The following BAZ2A variants were observed in gnomAD, a reference collection of about 807,000 sequenced individuals.
BAZ2A encodes bromodomain adjacent to zinc finger domain protein 2A.
BAZ2A carries 34 observed loss-of-function variants against 199.9 expected under a neutral mutation model. The ratio of observed to expected loss-of-function variants is 0.17; its 90% confidence interval spans 0.13 to 0.23. The LOEUF (loss-of-function observed/expected upper bound fraction) is 0.23, where lower values mean the gene tolerates loss of function less well. Among genes scored for constraint, BAZ2A ranks in the 10% least tolerant of loss-of-function variants. The pLI is 1.00. For missense variants in BAZ2A, 2,002 were observed against 2,391.1 expected (o/e 0.84, Z 3.39); for synonymous variants, 857 against 883.9 (o/e 0.97, Z 0.54).
At chr12:56,610,538 C>A (rs1458760620) in intron 7 of BAZ2A, 21 bp from the exon 8 acceptor site, 1 of 1,599,712 alleles carries the variant, frequency 6.3e-7, no homozygotes, top group Admixed American at 1.7e-5. Flanking sequence ...AGCACATGGG[C>A]CCTGCCGCCA....
rs551765462 is a variant in BAZ2A, at chr12:56,625,402, C to T, written c.-3+4723G>A. ...AACTCCTGACTTCAGGTGATCCGCA[C>T]GCCTCAGCCTCCCAAAGTGCTGCGA... On this transcript the variant is annotated intron_variant, in intron 1 of 28. Transcript: ENST00000549884. Among the ~76,000 whole-genome samples the T allele has an allele frequency of 3.4e-4, 52 of 151,938 alleles. No individual in the cohort carries two copies. In the South Asian group the frequency reaches 7.9e-3, roughly 23 times the overall value.
At position 56,598,702 on chromosome 12, in the gene BAZ2A, T is replaced by C; in HGVS notation, c.5628A>G (p.Glu1876=). 6.2e-7 allele frequency: 1 copy of C among 1,613,816 alleles called. No homozygotes were observed. The highest frequency in any genetic ancestry group is 1.1e-5 in the South Asian group (1 of 91,020). The stretch of plus-strand genomic sequence containing the variant: ...GCATGATGTGCCCAGCCTTGCCTAC[T>C]TCAGAGTCATCCTCGTTGAAAGTCT... ...NCQTFNEDDS[E]VGKAGHIMRR... Residue 1876 remains glutamate (E), a synonymous_variant, in exon 29 of 29, where the codon GAA becomes GAG. Coordinates refer to ENST00000549884, the MANE Select transcript of BAZ2A (RefSeq NM_001300905.2).
At chr12:56,619,112 G>A (rs1001932398) in intron 1 of BAZ2A, among the ~76,000 whole-genome samples, 5 of 151,890 alleles carry the variant, frequency 3.3e-5, no homozygotes, top group African/African-American at 9.7e-5. Flanking sequence ...GGGAGGCCGA[G>A]GCTGGCGGAT....
intron 1 of BAZ2A, 128 bp from the exon 2 acceptor site, chr12:56,617,660 G>T: frequency 9.8e-7 from 1 of 1,019,904 alleles, no homozygotes; most frequent in Non-Finnish European, 1.4e-6. Context: ...AGTACTGTGT[G>T]AGGGAAGGTA....
upstream of BAZ2A, among the ~76,000 whole-genome samples, chr12:56,632,735 A>C (rs1350306463): frequency 6.6e-6 from 1 of 152,154 alleles, no homozygotes; most frequent in African/African-American, 2.4e-5. Flanking sequence ...AATCATCCTC[A>C]TTCCTGAATG....
upstream of BAZ2A, chr12:56,630,869 T>C (rs1279757968): frequency 1.0e-6 from 1 of 985,292 alleles, no homozygotes; most frequent in Non-Finnish European, 1.2e-6. Flanking sequence ...AAGATTCCTG[T>C]GCGTGGGGGA....
Position 56,601,882 on chromosome 12 carries a change from G to C in BAZ2A, c.3735C>G (p.Phe1245Leu), listed in dbSNP as rs1886516600. 6.2e-7 allele frequency: 1 copy of C among 1,613,266 alleles called. No individual in the cohort carries two copies. Among genetic ancestry groups the C allele is most frequent in the Non-Finnish European group, 8.5e-7 (1 of 1,179,624 alleles). Reference protein sequence around the residue: ...LQLQLQSHKGFLEQEGSPLSL... With the variant: ...LQLQLQSHKGLLEQEGSPLSL... ...ACAAAGGGGAGCCTTCTTGCTCCAG[G>C]AACCCCTTATGGGACTGAAGCTGAA... is the stretch of plus-strand genomic sequence containing the variant. The change falls in exon 20 of 29, where the codon TTC becomes TTG. Residue 1245 changes from phenylalanine (F) to leucine (L), a missense_variant. Around this residue, in one of 6 missense-constraint regions of BAZ2A, gnomAD observed 1,081 missense variants for 1,274.7 expected, o/e 0.85. Transcript: ENST00000549884.
In BAZ2A at chr12:56,615,217, A is replaced by C. The variant is rs1592597607; in HGVS notation, c.527T>G (p.Val176Gly). 5 of 1,613,838 alleles carry C rather than the reference A, an allele frequency of 3.1e-6. No individual in the cohort carries two copies. Among genetic ancestry groups the C allele is most frequent in the Non-Finnish European group, 4.2e-6 (5 of 1,179,838 alleles). ...YDSFPDQNFE[V>G]MPNGPPSFFT... ...AAAACTAGGGGGTCCATTGGGCATCACCTCAAAATTCTGGTCAGGAAAGGA... is the reference window on the plus strand; with the variant it reads ...AAAACTAGGGGGTCCATTGGGCATCCCCTCAAAATTCTGGTCAGGAAAGGA... Residue 176 changes from valine (V) to glycine (G), a missense_variant, in exon 3 of 29, where the codon GTG becomes GGG. Physicochemically the swap from Val to Gly is moderately radical, Grantham distance 109. Transcript: ENST00000549884.
rs777879009 is a variant in BAZ2A, at chr12:56,606,750, A to T, written c.2093-17T>A. 3.1e-6 allele frequency: 5 copies of T among 1,606,326 alleles called. No homozygotes were observed. The highest frequency in any genetic ancestry group is 1.7e-6 in the Non-Finnish European group (2 of 1,173,200). On this transcript the variant is annotated splice_polypyrimidine_tract_variant and intron_variant, in intron 10 of 28. Coordinates refer to ENST00000549884, the MANE Select transcript of BAZ2A (RefSeq NM_001300905.2). ...TCAATGTTTCTGTGAGAGCAGAAAG[A>T]AAAATGAAACAAGTGAGGCAGGAAG...
chr12:56,613,230 G>C lies in BAZ2A; in HGVS notation c.920C>G (p.Pro307Arg). 6.2e-7 allele frequency: 1 copy of C among 1,613,852 alleles called. No individual in the cohort carries two copies. The highest frequency in any genetic ancestry group is 1.1e-5 in the South Asian group (1 of 91,088). ...AATACCATATAGTCCTCCACTCACTGGCTCTGTTTACAAGGGTAGAAAAAT... is the reference window on the plus strand; with the variant it reads ...AATACCATATAGTCCTCCACTCACTCGCTCTGTTTACAAGGGTAGAAAAAT... Reference protein sequence around the residue: ...LEPFNSLAPEPVSGGLYGIDD... With the variant: ...LEPFNSLAPERVSGGLYGIDD... The change falls in exon 5 of 29, where the codon CCA becomes CGA. Residue 307 changes from proline to arginine, a missense_variant. By Grantham distance (103) the Pro-to-Arg change is moderately radical. Transcript: ENST00000549884.
chr12:56,638,292 GGA>G, upstream of BAZ2A: 2 of 1,581,882 alleles, frequency 1.3e-6, no homozygotes, highest in Non-Finnish European at 8.7e-7. Flanking sequence ...TTAGGGGCAA[GGA>G]GAGAGACAGT....
intron 1 of BAZ2A, among the ~76,000 whole-genome samples, chr12:56,620,228 G>A (rs933699037): frequency 2.0e-5 from 3 of 151,896 alleles, no homozygotes; most frequent in Admixed American, 6.6e-5. Context: ...TTACAAATTG[G>A]TATTGGGCCA....
At chr12:56,620,563 C>CTTTTT (rs11367195) in intron 1 of BAZ2A, among the ~76,000 whole-genome samples, 2 of 144,426 alleles carry the variant, frequency 1.4e-5, no homozygotes, top group African/African-American at 5.2e-5. Context: ...CCAGGATTTC[C>CTTTTT]TTTTTTTTTT....
chr12:56,635,015 T>C (rs912337324), upstream of BAZ2A: 10 of 983,926 alleles, frequency 1.0e-5, no homozygotes, highest in African/African-American at 1.8e-4. The surrounding 1 kb of genome is among the most constrained non-coding windows in gnomAD (Gnocchi z 4.1). Flanking sequence ...GGGCGGCGGC[T>C]GCGCCTCCTC....
At chr12:56,609,369 A>C (rs1950485538) in intron 10 of BAZ2A, among the ~76,000 whole-genome samples, 1 of 152,122 alleles carries the variant, frequency 6.6e-6, no homozygotes, top group Admixed American at 6.6e-5. Context: ...TTGAATTCAG[A>C]TGTGAATTCT....
At position 56,611,928 on chromosome 12, in the gene BAZ2A, G is replaced by A. The variant is rs772052277; in HGVS notation, c.1454C>T (p.Thr485Met). The change falls in exon 6 of 29, where the codon ACG (threonine) becomes ATG (methionine). Residue 485 changes from threonine to methionine, a missense_variant. By Grantham distance (81) the Thr-to-Met change is moderately conservative. This residue lies in a region of BAZ2A where 641 missense variants were observed against 694.5 expected (regional missense o/e 0.92). Coordinates refer to ENST00000549884, the MANE Select transcript of BAZ2A (RefSeq NM_001300905.2). ...LPAVSLEVPL[T>M]ASVTSPKASP... is the part of the protein sequence containing the mutation. ...GGCTTTTGGGGATGTCACTGAAGCC[G>A]TCAACGGGACTTCTAAGGAGACTGC... 5.7e-5 allele frequency: 92 copies of A among 1,611,804 alleles called. 1 individual carries two copies. In the South Asian group the frequency reaches 6.7e-4, roughly 12 times the overall value.
upstream of BAZ2A, among the ~76,000 whole-genome samples, chr12:56,634,283 A>C (rs527755908): frequency 6.6e-6 from 1 of 152,270 alleles, no homozygotes; most frequent in East Asian, 1.9e-4. Context: ...GAGGCCCTGA[A>C]GCACAAGATT....
intron 1 of BAZ2A, among the ~76,000 whole-genome samples, chr12:56,625,721 C>A (rs1325359030): frequency 4.0e-5 from 6 of 151,278 alleles, no homozygotes. Context: ...ACTAAAAATA[C>A]AAAAATTAGC....
chr12:56,599,619 AG>A, intron 26 of BAZ2A, 82 bp downstream of exon 26: 1 of 1,591,940 alleles, frequency 6.3e-7, no homozygotes, highest in African/African-American at 1.3e-5. Context: ...TACCCAGTCT[AG>A]GACTCTTTCC....
Sources: gnomAD v4.1 joint callset for allele counts (sites outside exome capture counted in the v4.1 genomes callset) on GRCh38, gnomAD v4.1.1 for gene constraint, gnomAD v4.1.1 regional missense constraint, Gnocchi (gnomAD v3.1) non-coding constraint, MANE v1.5 for transcripts, NCBI Gene and HGNC (gene_info 2026-07-23, HGNC 2026-07-21) for gene names.